Variants in CSMD1 observed in about 807,000 individuals in gnomAD.
CSMD1 encodes CUB and sushi domain-containing protein 1.
Under a neutral mutation model 417.5 loss-of-function variants are expected in CSMD1, and 213 were observed. The observed-to-expected ratio is 0.51, with a 90% confidence interval of 0.46 to 0.57. CSMD1 has a LOEUF of 0.57. Ranked by LOEUF, CSMD1 falls within the 20% of genes least tolerant of loss-of-function variation. The pLI is 0.00. For synonymous variants in CSMD1, 2,862 were observed against 1,736.8 expected (o/e 1.65, Z -16.11); for missense variants, 6,923 against 4,529.7 (o/e 1.53, Z -15.17).
At chr8:3,767,396 C>A (rs1444170114) in intron 5 of CSMD1, among the ~76,000 whole-genome samples, 2 of 152,214 alleles carry the variant, frequency 1.3e-5, no homozygotes, top group Admixed American at 1.3e-4. Flanking sequence ...CTTTACTCAG[C>A]CCTCCTAAAC....
chr8:3,187,362 G>A (rs971005139), intron 36 of CSMD1, among the ~76,000 whole-genome samples: 1 of 152,178 alleles, frequency 6.6e-6, no homozygotes, highest in Non-Finnish European at 1.5e-5. Flanking sequence ...GACTCGTCAA[G>A]GCGGGTGCAT....
chr8:3,691,419 A>C (rs1375363654), intron 7 of CSMD1, among the ~76,000 whole-genome samples: 1 of 152,020 alleles, frequency 6.6e-6, no homozygotes, highest in Non-Finnish European at 1.5e-5. Flanking sequence ...CAAACAAAAA[A>C]CTGTGTCAAT....
intron 29 of CSMD1, among the ~76,000 whole-genome samples, chr8:3,218,560 C>A (rs1464859935): frequency 2.6e-4 from 34 of 128,674 alleles, no homozygotes; most frequent in African/African-American, 6.3e-4. Flanking sequence ...GACTCCATCT[C>A]AAAAATAAAA....
chr8:4,956,108 G>GAA (rs1809091675), intron 1 of CSMD1, among the ~76,000 whole-genome samples: 1 of 152,120 alleles, frequency 6.6e-6, no homozygotes, highest in Admixed American at 6.6e-5. Flanking sequence ...ATCACCCTAA[G>GAA]AACTGCTAAT....
At chr8:4,774,802 C>T (rs143023392) in intron 1 of CSMD1, among the ~76,000 whole-genome samples, 2 of 152,168 alleles carry the variant, frequency 1.3e-5, no homozygotes, top group Admixed American at 6.5e-5. Context: ...CCCGCCAACC[C>T]CCACTCGCTC....
At chr8:4,639,669 C>A (rs1370431313) in intron 1 of CSMD1, among the ~76,000 whole-genome samples, 3 of 152,118 alleles carry the variant, frequency 2.0e-5, no homozygotes, top group Admixed American at 6.5e-5. Context: ...CAAGTATTAT[C>A]TCAGCTCTTA....
chr8:3,548,699 C>CACACA (rs1798782514), intron 10 of CSMD1, among the ~76,000 whole-genome samples: 1 of 150,550 alleles, frequency 6.6e-6, no homozygotes, highest in African/African-American at 2.4e-5. Context: ...CACACACACA[C>CACACA]ACCATGGTTT....
At chr8:3,474,963 T>C (rs535929405) in intron 11 of CSMD1, among the ~76,000 whole-genome samples, 2 of 152,170 alleles carry the variant, frequency 1.3e-5, no homozygotes, top group Non-Finnish European at 2.9e-5. Context: ...GCCTGCCTTT[T>C]TTGCCCCCAA....
chr8:4,160,466 T>C (rs1392866032), intron 3 of CSMD1, among the ~76,000 whole-genome samples: 1 of 152,180 alleles, frequency 6.6e-6, no homozygotes, highest in East Asian at 1.9e-4. Context: ...TAAGTGTTGG[T>C]CATGTGTCTT....
intron 5 of CSMD1, among the ~76,000 whole-genome samples, chr8:3,950,832 T>C (rs1585020691): frequency 6.6e-6 from 1 of 152,076 alleles, no homozygotes; most frequent in Middle Eastern, 3.4e-3. Context: ...TAAAATACTG[T>C]GCTAAGTAGA....
chr8:3,698,447 G>T (rs945456335), intron 7 of CSMD1, among the ~76,000 whole-genome samples: 1 of 152,084 alleles, frequency 6.6e-6, no homozygotes, highest in Admixed American at 6.6e-5. Context: ...GAGGTTAATG[G>T]CGCTATTATT....
At chr8:4,258,915 G>A (rs926900103) in intron 3 of CSMD1, among the ~76,000 whole-genome samples, 3 of 152,242 alleles carry the variant, frequency 2.0e-5, no homozygotes, top group African/African-American at 7.2e-5. Flanking sequence ...TTTGTTCTAA[G>A]ACTATGTTAT....
At chr8:3,222,473 C>G (rs2116865148) in intron 28 of CSMD1, among the ~76,000 whole-genome samples, 1 of 152,132 alleles carries the variant, frequency 6.6e-6, no homozygotes. Flanking sequence ...GCACACCAAG[C>G]CAATTTTTAA....
chr8:3,924,103 C>G (rs1011943729), intron 5 of CSMD1, among the ~76,000 whole-genome samples: 2 of 152,114 alleles, frequency 1.3e-5, no homozygotes, highest in Non-Finnish European at 2.9e-5. Flanking sequence ...TTTCTCAGCT[C>G]TTGTTGATGC....
chr8:3,529,183 T>C (rs1797875835), intron 10 of CSMD1, among the ~76,000 whole-genome samples: 1 of 152,240 alleles, frequency 6.6e-6, no homozygotes, highest in Non-Finnish European at 1.5e-5. Flanking sequence ...TAGGTCCTAC[T>C]GTTTGAATCA....
intron 7 of CSMD1, among the ~76,000 whole-genome samples, chr8:3,670,688 G>T (rs1185843735): frequency 1.4e-5 from 2 of 145,046 alleles, no homozygotes; most frequent in East Asian, 4.0e-4. Context: ...TATATGTATG[G>T]GATATATGTA....
chr8:4,308,727 T>G (rs995999249), intron 3 of CSMD1, among the ~76,000 whole-genome samples: 3 of 152,224 alleles, frequency 2.0e-5, no homozygotes, highest in Non-Finnish European at 4.4e-5. Flanking sequence ...TAGAGTAATT[T>G]ATCTGAGATG....
intron 3 of CSMD1, among the ~76,000 whole-genome samples, chr8:4,163,567 A>C (rs1228350661): frequency 6.6e-6 from 1 of 152,206 alleles, no homozygotes; most frequent in Non-Finnish European, 1.5e-5. Context: ...GTGTGAATTA[A>C]ATCTAGCTAG....
At chr8:4,908,370 C>A (rs1426459631) in intron 1 of CSMD1, among the ~76,000 whole-genome samples, 2 of 152,222 alleles carry the variant, frequency 1.3e-5, no homozygotes, top group African/African-American at 4.8e-5. Context: ...TGTTCTCTGA[C>A]CTTCTTGGTT....
Sources: gnomAD v4.1 joint callset for allele counts (sites outside exome capture counted in the v4.1 genomes callset) on GRCh38, gnomAD v4.1.1 for gene constraint, MANE v1.5 for transcripts, NCBI Gene and HGNC (gene_info 2026-07-23, HGNC 2026-07-21) for gene names.